Variants in DPP10 observed in about 807,000 individuals in gnomAD.
DPP10 encodes the protein inactive dipeptidyl peptidase 10.
A neutral mutation model predicts 120.9 loss-of-function variants in DPP10; 33 were observed. The observed-to-expected ratio is 0.27, with a 90% confidence interval of 0.21 to 0.37. DPP10 has a LOEUF of 0.37. Among genes scored for constraint, DPP10 ranks in the 10% least tolerant of loss-of-function variants. DPP10 has a pLI of 1.00. For synonymous variants in DPP10, 337 were observed against 326.1 expected (o/e 1.03, Z -0.36); for missense variants, 816 against 942.8 (o/e 0.87, Z 1.76).
At chr2:115,150,697 G>C (rs752587785) in intron 1 of DPP10, among the ~76,000 whole-genome samples, 19 of 152,144 alleles carry the variant, frequency 1.2e-4, no homozygotes, top group Non-Finnish European at 2.2e-4. Context: ...TCCAGTTCTG[G>C]AATGTTCGCA....
intron 5 of DPP10, among the ~76,000 whole-genome samples, chr2:115,597,586 TTA>T (rs2083067627): frequency 6.7e-6 from 1 of 150,074 alleles, no homozygotes; most frequent in Non-Finnish European, 1.5e-5. Context: ...TTTATATGCA[TTA>T]TATATATTTC....
At chr2:115,761,096 CAAAAAAA>C (rs34165193) in intron 11 of DPP10, among the ~76,000 whole-genome samples, 1 of 90,266 alleles carries the variant, frequency 1.1e-5, no homozygotes. Context: ...GACTTTGTCT[CAAAAAAA>C]AAAAAAAAAA....
At chr2:115,207,489 T>A (rs576645262) in intron 1 of DPP10, among the ~76,000 whole-genome samples, 6 of 136,988 alleles carry the variant, frequency 4.4e-5, no homozygotes, top group Non-Finnish European at 9.2e-5. Context: ...TTTAGTCAAA[T>A]GTTTGAGTGC....
chr2:115,838,003 A>G (rs912171099), intron 24 of DPP10, among the ~76,000 whole-genome samples: 3 of 152,184 alleles, frequency 2.0e-5, no homozygotes, highest in African/African-American at 7.2e-5. Context: ...CACCCCAAAT[A>G]AAGTGGGTTT....
At chr2:114,885,722 G>A (rs145245942) in intron 1 of DPP10, among the ~76,000 whole-genome samples, 2 of 152,140 alleles carry the variant, frequency 1.3e-5, no homozygotes, top group East Asian at 3.9e-4. Flanking sequence ...TAATGGAGGA[G>A]GTATAAAAAT....
intron 1 of DPP10, among the ~76,000 whole-genome samples, chr2:115,116,397 TATC>T (rs1329648745): frequency 2.0e-5 from 3 of 152,186 alleles, no homozygotes; most frequent in African/African-American, 7.2e-5. Context: ...ATTTATCATC[TATC>T]ATCTTTATTT....
At chr2:115,292,329 T>G (rs895734635) in intron 1 of DPP10, among the ~76,000 whole-genome samples, 4 of 152,150 alleles carry the variant, frequency 2.6e-5, no homozygotes, top group African/African-American at 7.2e-5. Context: ...CTTTTGATTT[T>G]ATTTTAGAAC....
At chr2:115,578,776 A>G (rs1341921751) in intron 5 of DPP10, among the ~76,000 whole-genome samples, 1 of 152,216 alleles carries the variant, frequency 6.6e-6, no homozygotes, top group African/African-American at 2.4e-5. Flanking sequence ...CATACAGAGT[A>G]AAGTTGGATT....
intron 1 of DPP10, among the ~76,000 whole-genome samples, chr2:114,924,739 A>T (rs1695473418): frequency 1.3e-5 from 2 of 152,160 alleles, no homozygotes; most frequent in South Asian, 4.1e-4. Flanking sequence ...GATTTCCCAA[A>T]TGATATTCTA....
rs111249541 is a variant in DPP10 at position 115,194,810 on chromosome 2, C to T, written c.61-114429C>T. On this transcript the variant is annotated intron_variant, in intron 1 of 25. Transcript: ENST00000410059. ...CATTTATGAGTGATGTTTAACATAA[C>T]AATGCCACCTGTTGGATACAGTAGG... 6.0e-3 allele frequency among the ~76,000 whole-genome samples: 910 copies of T among 152,268 alleles called. 9 individuals are homozygous for T. The highest frequency in any genetic ancestry group is 0.02 in the African/African-American group (836 of 41,544).
At chr2:114,928,518 C>T (rs1014150497) in intron 1 of DPP10, among the ~76,000 whole-genome samples, 1 of 152,124 alleles carries the variant, frequency 6.6e-6, no homozygotes, top group African/African-American at 2.4e-5. Context: ...CAGCCCTGAC[C>T]CCATGGCTTT....
At chr2:115,590,581 G>A (rs1395829396) in intron 5 of DPP10, among the ~76,000 whole-genome samples, 1 of 152,130 alleles carries the variant, frequency 6.6e-6, no homozygotes, top group Admixed American at 6.5e-5. Context: ...TGGACATTTG[G>A]GTTGGTTCCA....
intron 2 of DPP10, among the ~76,000 whole-genome samples, chr2:115,316,823 T>TA (rs2061817316): frequency 1.3e-5 from 2 of 152,216 alleles, no homozygotes; most frequent in African/African-American, 4.8e-5. Flanking sequence ...AAGCGAGAGT[T>TA]ATGGTGGGGT....
At chr2:115,402,179 G>C (rs1324577093) in intron 3 of DPP10, among the ~76,000 whole-genome samples, 1 of 152,120 alleles carries the variant, frequency 6.6e-6, no homozygotes, top group Non-Finnish European at 1.5e-5. Context: ...ACCATACACA[G>C]AGAATTCTCC....
intron 1 of DPP10, among the ~76,000 whole-genome samples, chr2:114,452,594 G>A (rs372868363): frequency 6.6e-6 from 1 of 152,090 alleles, no homozygotes; most frequent in African/African-American, 2.4e-5. Context: ...TATGATCATG[G>A]TCTTTTGAGA....
At chr2:115,828,703 T>A (rs1688625965) in intron 21 of DPP10, among the ~76,000 whole-genome samples, 1 of 152,170 alleles carries the variant, frequency 6.6e-6, no homozygotes, top group Non-Finnish European at 1.5e-5. Context: ...CAATGTCCAA[T>A]GTCCTAAAAA....
intron 1 of DPP10, among the ~76,000 whole-genome samples, chr2:115,056,375 T>A (rs566226573): frequency 6.6e-6 from 1 of 151,992 alleles, no homozygotes; most frequent in Non-Finnish European, 1.5e-5. Context: ...ATAGCTTTTT[T>A]TTCTTCTTCT....
intron 1 of DPP10, among the ~76,000 whole-genome samples, chr2:115,170,699 T>C (rs2053253203): frequency 6.6e-6 from 1 of 152,198 alleles, no homozygotes; most frequent in Non-Finnish European, 1.5e-5. Context: ...TATTTCTTTT[T>C]TTCTGATCTT....
At chr2:114,781,581 A>T (rs1682330892) in intron 1 of DPP10, among the ~76,000 whole-genome samples, 1 of 151,884 alleles carries the variant, frequency 6.6e-6, no homozygotes, top group South Asian at 2.1e-4. Flanking sequence ...ATCAAGAGTT[A>T]TGCTGAAACT....
Sources: allele counts gnomAD v4.1 joint callset (sites outside exome capture counted in the v4.1 genomes callset), GRCh38; gene constraint gnomAD v4.1.1; transcripts MANE v1.5; gene names NCBI Gene and HGNC (gene_info 2026-07-23, HGNC 2026-07-21).